The following GAS2 variants were observed in gnomAD, a reference collection of about 807,000 sequenced individuals.
The protein encoded by GAS2 is growth arrest-specific protein 2.
In GAS2, 20 loss-of-function variants were observed where a neutral mutation model predicts 37.5. The ratio of observed to expected loss-of-function variants is 0.53; its 90% confidence interval spans 0.37 to 0.77. GAS2 has a LOEUF of 0.77. Ranked by LOEUF, GAS2 falls within the 30% of genes least tolerant of loss-of-function variation. The pLI, the probability that GAS2 is intolerant of heterozygous loss-of-function variation, is 0.00. For synonymous variants in GAS2, 144 were observed against 132.2 expected, an observed-to-expected ratio of 1.09 and a Z score of -0.61; for missense variants, 336 against 373.4, an observed-to-expected ratio of 0.90 and a Z score of 0.82.
intron 5 of GAS2, among the ~76,000 whole-genome samples, chr11:22,740,674 G>C (rs1463337225): frequency 1.3e-5 from 2 of 152,072 alleles, no homozygotes; most frequent in African/African-American, 4.8e-5. Flanking sequence ...AGATCTTACT[G>C]TTTTACCCCT....
At chr11:22,757,598 T>C (rs1042708897) in intron 7 of GAS2, among the ~76,000 whole-genome samples, 17 of 152,216 alleles carry the variant, frequency 1.1e-4, no homozygotes, top group African/African-American at 4.1e-4. Context: ...TATTATGACA[T>C]GTTTTAGAAT....
rs1857240756 is a variant in GAS2 at position 22,812,659 on chromosome 11, A to G, written c.*643A>G. 1 of 152,722 alleles carries G rather than the reference A, an allele frequency of 6.5e-6. No individual in the cohort carries two copies. The allele number at this position is 152,722 out of a possible 1,614,324, so 9.5% of individuals were successfully genotyped here. Reference sequence around the variant, plus strand: ...TTTTCAGTACACCCCCTTAGAGAATAGCTTATGAGTTATTTCACACATTCC... The same window carrying G: ...TTTTCAGTACACCCCCTTAGAGAATGGCTTATGAGTTATTTCACACATTCC... On this transcript the variant is annotated 3_prime_UTR_variant, in exon 8 of 8. Coordinates refer to ENST00000454584, the MANE Select transcript of GAS2 (RefSeq NM_001143830.3).
intron 7 of GAS2, among the ~76,000 whole-genome samples, chr11:22,777,186 A>G (rs1260687300): frequency 6.6e-6 from 1 of 152,182 alleles, no homozygotes; most frequent in Non-Finnish European, 1.5e-5. Flanking sequence ...TTAAATCCTA[A>G]GCCATACAAC....
intron 3 of GAS2, among the ~76,000 whole-genome samples, chr11:22,694,572 T>A (rs557162415): frequency 6.6e-6 from 1 of 152,330 alleles, no homozygotes; most frequent in East Asian, 1.9e-4. Context: ...TCGAATAGAA[T>A]GTGGAATTTT....
At chr11:22,655,339 G>A (rs1183733636) in intron 1 of GAS2, among the ~76,000 whole-genome samples, 2 of 151,942 alleles carry the variant, frequency 1.3e-5, no homozygotes, top group East Asian at 1.9e-4. Flanking sequence ...TGTTTCCTTC[G>A]CCAATAGAAA....
intron 5 of GAS2, among the ~76,000 whole-genome samples, chr11:22,741,493 A>G (rs975153281): frequency 6.6e-6 from 1 of 152,128 alleles, no homozygotes; most frequent in Non-Finnish European, 1.5e-5. Context: ...GTTTAGGGTC[A>G]TAATCAATAA....
intron 3 of GAS2, among the ~76,000 whole-genome samples, chr11:22,724,585 C>T (rs1413805595): frequency 3.3e-5 from 5 of 151,962 alleles, no homozygotes; most frequent in African/African-American, 1.2e-4. Flanking sequence ...TCTAGGAAAG[C>T]ATTCTTTTGA....
At position 22,632,493 on chromosome 11, in the gene GAS2, C is replaced by T. The variant is rs193271484; in HGVS notation, c.-21+6680C>T. Among the ~76,000 whole-genome samples the T allele has an allele frequency of 2.7e-3, 412 of 152,186 alleles. 2 individuals carry two copies. Among genetic ancestry groups the T allele is most frequent in the African/African-American group, 9.1e-3 (378 of 41,544 alleles). On this transcript the variant is annotated intron_variant, in intron 1 of 5. Coordinates refer to the GAS2 transcript ENST00000528582. ...ACTGCTCTTGGAATTCTTTTCTTCA[C>T]ATTGATTTTAGATAGCCTGATGACT...
At chr11:22,754,843 G>A (rs368026745) in intron 6 of GAS2, among the ~76,000 whole-genome samples, 22 of 152,186 alleles carry the variant, frequency 1.4e-4, no homozygotes, top group African/African-American at 4.6e-4. Flanking sequence ...ACATCTTTGT[G>A]GAAGAATTCG....
At chr11:22,649,223 T>C (rs1848741362) in intron 1 of GAS2, among the ~76,000 whole-genome samples, 1 of 152,122 alleles carries the variant, frequency 6.6e-6, no homozygotes, top group Non-Finnish European at 1.5e-5. Context: ...TTACATTTAT[T>C]GATTTGCGTA....
At chr11:22,719,721 AT>A (rs1851857764) in intron 3 of GAS2, among the ~76,000 whole-genome samples, 1 of 151,964 alleles carries the variant, frequency 6.6e-6, no homozygotes, top group Non-Finnish European at 1.5e-5. Flanking sequence ...AGCCTGTAGT[AT>A]TTTTTTAGAT....
intron 3 of GAS2, among the ~76,000 whole-genome samples, chr11:22,702,963 A>G (rs530262229): frequency 2.6e-5 from 4 of 152,330 alleles, no homozygotes; most frequent in Admixed American, 6.5e-5. Flanking sequence ...AGCTCAAACC[A>G]TAATATATTG....
intron 7 of GAS2, among the ~76,000 whole-genome samples, chr11:22,766,676 G>C (rs1454824263): frequency 5.3e-5 from 8 of 151,986 alleles, no homozygotes; most frequent in Non-Finnish European, 1.2e-4. Flanking sequence ...ACATAAACTA[G>C]AAAACCCAAC....
chr11:22,676,267 A>G (rs1849423534), intron 2 of GAS2, among the ~76,000 whole-genome samples: 1 of 152,156 alleles, frequency 6.6e-6, no homozygotes, highest in Non-Finnish European at 1.5e-5. Context: ...AGTGCCTTTT[A>G]TCTCCATCAA....
In GAS2 at chr11:22,631,011, G is replaced by A. The variant is rs1191392456; in HGVS notation, c.-21+5198G>A. On this transcript the variant is annotated intron_variant, in intron 1 of 5. Coordinates refer to the GAS2 transcript ENST00000528582. ...ATTTCCATTTGTTTGTGTCATCTAT[G>A]ATATCTTTCAGCAGTGTTTTGTAGT... 2.6e-5 allele frequency among the ~76,000 whole-genome samples: 4 copies of A among 152,114 alleles called. No homozygotes were observed. The East Asian group carries it at 7.7e-4, about 29-fold the overall frequency.
chr11:22,670,953 C>T (rs986374671), intron 1 of GAS2, among the ~76,000 whole-genome samples: 2 of 152,026 alleles, frequency 1.3e-5, no homozygotes, highest in Non-Finnish European at 2.9e-5. Context: ...TCTAACATGT[C>T]AGCAAAGCCT....
chr11:22,786,399 C>T (rs988766618), intron 7 of GAS2, among the ~76,000 whole-genome samples: 3 of 152,132 alleles, frequency 2.0e-5, no homozygotes, highest in Non-Finnish European at 4.4e-5. Context: ...CATTACCTAA[C>T]AAGTCCTCCT....
At chr11:22,776,025 A>G (rs913535878) in intron 7 of GAS2, among the ~76,000 whole-genome samples, 2 of 152,226 alleles carry the variant, frequency 1.3e-5, no homozygotes, top group African/African-American at 4.8e-5. Context: ...GAAAGCATTG[A>G]TTCCAGATGT....
intron 7 of GAS2, among the ~76,000 whole-genome samples, chr11:22,778,524 G>A (rs1855382053): frequency 2.0e-5 from 3 of 152,254 alleles, no homozygotes; most frequent in Non-Finnish European, 2.9e-5. Context: ...CCAAGGAAGT[G>A]ATATTTGAAG....
Sources: allele counts gnomAD v4.1 joint callset (sites outside exome capture counted in the v4.1 genomes callset), GRCh38; gene constraint gnomAD v4.1.1; transcripts MANE v1.5; gene names NCBI Gene and HGNC (gene_info 2026-07-23, HGNC 2026-07-21).